Variants in STPG4 observed in about 807,000 individuals in gnomAD.
The protein encoded by STPG4 is protein STPG4.
STPG4 carries 41 observed loss-of-function variants against 31.5 expected under a neutral mutation model. That is an observed-to-expected ratio of 1.30 (90% CI 1.01 to 1.69). STPG4 has a LOEUF of 1.69. Among genes scored for constraint, STPG4 ranks in the 40% most tolerant of loss-of-function variants. STPG4 has a pLI of 0.00. For missense variants in STPG4, 375 were observed against 293.4 expected (o/e 1.28, Z -2.03); for synonymous variants, 141 against 103.0 (o/e 1.37, Z -2.24).
At chr2:47,138,894 A>G (rs1235053585) in intron 3 of STPG4, among the ~76,000 whole-genome samples, 1 of 152,162 alleles carries the variant, frequency 6.6e-6, no homozygotes, top group East Asian at 1.9e-4. Context: ...CATGTTGGCC[A>G]GGCTGGTCTT....
At chr2:47,113,782 C>T (rs888261786) in intron 5 of STPG4, among the ~76,000 whole-genome samples, 1 of 151,994 alleles carries the variant, frequency 6.6e-6, no homozygotes, top group Admixed American at 6.6e-5. Flanking sequence ...TGCCTGTAAT[C>T]CCAGCATTTT....
chr2:47,093,426 AAC>A (rs1193487017), intron 5 of STPG4, among the ~76,000 whole-genome samples: 3 of 152,296 alleles, frequency 2.0e-5, no homozygotes, highest in East Asian at 1.9e-4. Flanking sequence ...TCTGCACAGG[AAC>A]AGTTTGTGCA....
intron 3 of STPG4, among the ~76,000 whole-genome samples, chr2:47,146,593 C>A (rs1402297139): frequency 6.9e-6 from 1 of 145,724 alleles, no homozygotes; most frequent in Non-Finnish European, 1.5e-5. Flanking sequence ...ATTGGATATA[C>A]AAGTTTGGAA....
At chr2:47,107,510 C>T (rs1039815927) in intron 5 of STPG4, among the ~76,000 whole-genome samples, 1 of 152,208 alleles carries the variant, frequency 6.6e-6, no homozygotes, top group Non-Finnish European at 1.5e-5. Flanking sequence ...TCTTAGCTGC[C>T]TTCCCAAGGG....
chr2:47,132,184 A>G (rs1686500298), intron 3 of STPG4, among the ~76,000 whole-genome samples: 1 of 151,454 alleles, frequency 6.6e-6, no homozygotes, highest in Admixed American at 6.6e-5. Context: ...AAAAAATAGG[A>G]AGATATGTGA....
intron 5 of STPG4, among the ~76,000 whole-genome samples, chr2:47,115,969 C>T (rs561193863): frequency 1.2e-4 from 18 of 152,154 alleles, no homozygotes; most frequent in Non-Finnish European, 2.6e-4. Context: ...GATTTTCTTA[C>T]TTGCATGGTA....
intron 5 of STPG4, among the ~76,000 whole-genome samples, chr2:47,116,902 G>C (rs1166299837): frequency 6.6e-6 from 1 of 152,198 alleles, no homozygotes; most frequent in East Asian, 1.9e-4. Context: ...CATTGCTGCA[G>C]TGAGTGAGAA....
chr2:47,097,218 C>A (rs1685691540), intron 5 of STPG4, among the ~76,000 whole-genome samples: 3 of 152,108 alleles, frequency 2.0e-5, no homozygotes, highest in Admixed American at 2.0e-4. Flanking sequence ...GGAAAATAAA[C>A]CATAGAGCAA....
At chr2:47,144,557 A>G (rs1484547383) in intron 3 of STPG4, among the ~76,000 whole-genome samples, 1 of 152,128 alleles carries the variant, frequency 6.6e-6, no homozygotes, top group Non-Finnish European at 1.5e-5. Context: ...AATACACAAA[A>G]ATAAATGATG....
chr2:47,142,525 G>A lies in STPG4; in HGVS notation c.399+8733C>T, dbSNP rs77727217. Among the ~76,000 whole-genome samples, 1,458 of 152,124 alleles carry A rather than the reference G, an allele frequency of 9.6e-3. 31 individuals carry two copies. The highest frequency in any genetic ancestry group is 0.032 in the African/African-American group (1,346 of 41,504). On this transcript the variant is annotated intron_variant, in intron 3 of 6. Transcript: ENST00000445927. ...AAAAATGTTAGTTGGAAAAAATTTC[G>A]AGTTACTTACAAATGGGCATGATTG...
chr2:47,102,278 C>T lies in STPG4; in HGVS notation c.520-11904G>A, dbSNP rs565206634. Among the ~76,000 whole-genome samples, 99 of 151,904 alleles carry T rather than the reference C, an allele frequency of 6.5e-4. 5 individuals carry two copies. The highest frequency in any genetic ancestry group is 3.4e-3 in the Middle Eastern group (1 of 294). The stretch of plus-strand genomic sequence containing the variant: ...GAAGAAACAAAATAAACCAAAACTG[C>T]GGGCGGTTTTGTCTTTCAGATGGGA... On this transcript the variant is annotated intron_variant, in intron 5 of 6. Transcript: ENST00000445927.
At chr2:47,117,654 G>C (rs933260758) in intron 5 of STPG4, among the ~76,000 whole-genome samples, 1 of 152,200 alleles carries the variant, frequency 6.6e-6, no homozygotes, top group South Asian at 2.1e-4. Flanking sequence ...TATACACATT[G>C]GTTGGATAAC....
At chr2:47,109,538 T>C (rs944691177) in intron 5 of STPG4, among the ~76,000 whole-genome samples, 6 of 143,530 alleles carry the variant, frequency 4.2e-5, no homozygotes, top group South Asian at 2.2e-4. Context: ...GCCTGGGTGA[T>C]AGTGAGACTA....
chr2:47,120,190 G>T (rs1686237534), intron 5 of STPG4, among the ~76,000 whole-genome samples: 1 of 152,122 alleles, frequency 6.6e-6, no homozygotes. Flanking sequence ...AATTAGCTGG[G>T]CGTGGTGGCC....
intron 5 of STPG4, chr2:47,129,022 C>T (rs1390077115): frequency 6.6e-6 from 1 of 152,220 alleles, no homozygotes; most frequent in Non-Finnish European, 1.5e-5. Context: ...CTGGGTCCTT[C>T]TCTTTAAGGC....
intron 5 of STPG4, among the ~76,000 whole-genome samples, chr2:47,107,094 G>T (rs1460492482): frequency 6.6e-6 from 1 of 151,974 alleles, no homozygotes; most frequent in Non-Finnish European, 1.5e-5. Context: ...TTTAGAGGGG[G>T]GATTGAGAGG....
At chr2:47,091,937 G>A (rs576288703) in intron 5 of STPG4, among the ~76,000 whole-genome samples, 18 of 150,804 alleles carry the variant, frequency 1.2e-4, no homozygotes, top group Non-Finnish European at 2.5e-4. Flanking sequence ...AAATTACAAC[G>A]CTTCCATCCA....
At chr2:47,116,935 T>C (rs1435129609) in intron 5 of STPG4, among the ~76,000 whole-genome samples, 2 of 152,134 alleles carry the variant, frequency 1.3e-5, no homozygotes, top group Admixed American at 6.5e-5. Context: ...AAATTTCCCT[T>C]CCTGGGCCCC....
At chr2:47,091,570 G>C (rs1186034665) in intron 5 of STPG4, among the ~76,000 whole-genome samples, 1 of 152,102 alleles carries the variant, frequency 6.6e-6, no homozygotes, top group Non-Finnish European at 1.5e-5. Flanking sequence ...AGAAATAAGT[G>C]TTTTTCTAGC....
Sources: allele counts gnomAD v4.1 joint callset (sites outside exome capture counted in the v4.1 genomes callset), GRCh38; gene constraint gnomAD v4.1.1; transcripts MANE v1.5; gene names NCBI Gene and HGNC (gene_info 2026-07-23, HGNC 2026-07-21).